The following CTNND2 variants were observed in gnomAD, a reference collection of about 807,000 sequenced individuals.
CTNND2 encodes the protein catenin delta-2.
Under a neutral mutation model 144.4 loss-of-function variants are expected in CTNND2, and 22 were observed. The ratio of observed to expected loss-of-function variants is 0.15; its 90% CI spans 0.11 to 0.22. CTNND2 has a LOEUF of 0.22. Among genes scored for constraint, CTNND2 ranks in the 10% least tolerant of loss-of-function variants. CTNND2 has a pLI of 1.00. For synonymous variants in CTNND2, 751 were observed against 695.6 expected (o/e 1.08, Z -1.25); for missense variants, 1,353 against 1,618.8 (o/e 0.84, Z 2.82).
chr5:11,610,558 A>G (rs774862103), intron 2 of CTNND2, among the ~76,000 whole-genome samples: 12 of 152,108 alleles, frequency 7.9e-5, no homozygotes, highest in Non-Finnish European at 1.5e-4. Flanking sequence ...CAGGGAACCC[A>G]CCGTCCAATA....
rs1310810169 is a variant in CTNND2 at position 11,384,517 on chromosome 5, A to G, written c.1177+148T>C. ...TGTAGGGAAGATACTGACTTGTTCC[A>G]GGAAAGCCCTGGCGTTCTCTGTCTC... On this transcript the variant is annotated intron_variant, in intron 7 of 21. Transcript: ENST00000304623. The surrounding 1 kb of genome is among the most constrained non-coding windows in gnomAD (Gnocchi z 5.2). 3.0e-6 allele frequency: 2 copies of G among 674,778 alleles called. No homozygotes were observed. Among genetic ancestry groups the G allele is most frequent in the Non-Finnish European group, 2.5e-6 (1 of 406,160 alleles). The allele number at this position is 674,778 out of a possible 1,614,324, so 41.8% of individuals were successfully genotyped here.
chr5:11,364,782 T>C lies in CTNND2; in HGVS notation c.1286A>G (p.Tyr429Cys), dbSNP rs1756804491. Residue 429 changes from tyrosine (Y) to cysteine (C), a missense_variant, in exon 8 of 22, where the codon TAT becomes TGT. This residue lies in a region of CTNND2 where 708 missense variants were observed against 706.4 expected (regional missense o/e 1.00). Transcript: ENST00000304623. ...HIDPIYEDRV[Y>C]QKPPMRSLSQ... ...GAGACTCCTCATAGGGGGCTTCTGA[T>C]AGACGCGGTCTTCATAGATGGGATC... 1 of 1,613,928 alleles carries C rather than the reference T, an allele frequency of 6.2e-7. No homozygotes were observed. Among genetic ancestry groups the C allele is most frequent in the East Asian group, 2.2e-5 (1 of 44,840 alleles).
intron 3 of CTNND2, among the ~76,000 whole-genome samples, chr5:11,496,664 T>C (rs1769975623): frequency 6.6e-6 from 1 of 152,176 alleles, no homozygotes; most frequent in South Asian, 2.1e-4. Context: ...GTAAAAGGAA[T>C]TTGCCACAAA....
At chr5:11,100,275 C>T (rs1168870750) in intron 14 of CTNND2, among the ~76,000 whole-genome samples, 1 of 152,178 alleles carries the variant, frequency 6.6e-6, no homozygotes, top group Non-Finnish European at 1.5e-5. Flanking sequence ...CATTAAAGGT[C>T]ATTTTCAATG....
intron 12 of CTNND2, among the ~76,000 whole-genome samples, chr5:11,138,889 A>G (rs1405660204): frequency 6.6e-6 from 1 of 152,226 alleles, no homozygotes; most frequent in African/African-American, 2.4e-5. Flanking sequence ...CTGCATGTCC[A>G]TGCAGAACTA....
chr5:11,111,001 G>T lies in CTNND2; in HGVS notation c.2320C>A (p.Arg774=), dbSNP rs1280207424. The T allele has an allele frequency of 1.2e-6, 2 of 1,614,050 alleles. No individual in the cohort carries two copies. Among genetic ancestry groups the T allele is most frequent in the Non-Finnish European group, 1.7e-6 (2 of 1,179,964 alleles). ...CCCTGAGACGTTTCTGCCGCCAGCC[G>T]GTACGAGAGGTTCCTTAAAATGCAC... ...CVCILRNLSY[R]LAAETSQGQH... Residue 774 remains arginine, a synonymous_variant, in exon 14 of 22, where the codon CGG becomes AGG. Coordinates refer to ENST00000304623, the MANE Select transcript of CTNND2 (RefSeq NM_001332.4).
chr5:11,247,953 A>G (rs1318197484), intron 9 of CTNND2, among the ~76,000 whole-genome samples: 2 of 152,222 alleles, frequency 1.3e-5, no homozygotes, highest in Non-Finnish European at 2.9e-5. Flanking sequence ...AACATGTAAG[A>G]ATTTAGTTGC....
At chr5:11,867,579 C>T (rs1161774597) in intron 1 of CTNND2, among the ~76,000 whole-genome samples, 1 of 152,062 alleles carries the variant, frequency 6.6e-6, no homozygotes, top group Non-Finnish European at 1.5e-5. Flanking sequence ...TGTATTAGAC[C>T]AGAAAGTAAC....
At chr5:11,813,095 G>A (rs577939072) in intron 1 of CTNND2, among the ~76,000 whole-genome samples, 139 of 152,204 alleles carry the variant, frequency 9.1e-4, no homozygotes, top group Non-Finnish European at 1.4e-3. Flanking sequence ...AAGTAGTCCC[G>A]TAAGATTAGA....
intron 1 of CTNND2, among the ~76,000 whole-genome samples, chr5:11,863,548 G>A (rs79959167): frequency 1.8e-3 from 274 of 152,166 alleles, no homozygotes; most frequent in African/African-American, 6.3e-3. Flanking sequence ...TGTGTTACAT[G>A]GGCAAACCAG....
At chr5:11,352,236 T>C (rs4702800) in intron 8 of CTNND2, among the ~76,000 whole-genome samples, 40,771 of 152,092 alleles carry the variant, frequency 0.27, 5,837 homozygotes, top group Admixed American at 0.35. Flanking sequence ...AAAGAAGACA[T>C]TGAAAACACC....
At chr5:11,402,534 G>A (rs551436793) in intron 5 of CTNND2, among the ~76,000 whole-genome samples, 9 of 152,314 alleles carry the variant, frequency 5.9e-5, no homozygotes, top group African/African-American at 2.2e-4. Context: ...ATGGGTTCCA[G>A]AAGAACTTGC....
At chr5:10,986,558 A>C (rs1385902562) in intron 20 of CTNND2, 1 of 451,908 alleles carries the variant, frequency 2.2e-6, no homozygotes, top group Non-Finnish European at 4.4e-6. Context: ...AGGGACTCAG[A>C]ATTCAGATTC....
chr5:11,061,243 T>G (rs1225351623), intron 16 of CTNND2, among the ~76,000 whole-genome samples: 4 of 152,208 alleles, frequency 2.6e-5, no homozygotes, highest in Non-Finnish European at 4.4e-5. Flanking sequence ...CTGGACAGCA[T>G]GAGCTCTTTC....
chr5:11,393,646 A>G (rs902203442), intron 6 of CTNND2, among the ~76,000 whole-genome samples: 15 of 152,200 alleles, frequency 9.9e-5, no homozygotes, highest in Admixed American at 6.5e-4. Flanking sequence ...ATTATAAAAC[A>G]TCAGTCTGGT....
At chr5:11,681,380 AAAG>A (rs1302357192) in intron 2 of CTNND2, among the ~76,000 whole-genome samples, 3 of 152,166 alleles carry the variant, frequency 2.0e-5, no homozygotes, top group African/African-American at 7.2e-5. Flanking sequence ...AAAGCATTCA[AAAG>A]AACATGAAGT....
chr5:11,230,402 G>A (rs1287645448), intron 10 of CTNND2, among the ~76,000 whole-genome samples: 2 of 151,916 alleles, frequency 1.3e-5, no homozygotes, highest in African/African-American at 2.4e-5. Flanking sequence ...GCAACATTTA[G>A]TCACCTCCTA....
intron 2 of CTNND2, among the ~76,000 whole-genome samples, chr5:11,667,783 T>A (rs760057779): frequency 2.0e-5 from 3 of 152,126 alleles, no homozygotes; most frequent in Non-Finnish European, 4.4e-5. Context: ...GATCCCATTT[T>A]TCTATTTTGG....
At chr5:11,422,518 T>C (rs1762452496) in intron 3 of CTNND2, among the ~76,000 whole-genome samples, 1 of 152,186 alleles carries the variant, frequency 6.6e-6, no homozygotes. Flanking sequence ...CAACTGACAC[T>C]GCAATGTGGT....
Sources: gnomAD v4.1 joint callset for allele counts (sites outside exome capture counted in the v4.1 genomes callset) on GRCh38, gnomAD v4.1.1 for gene constraint, gnomAD v4.1.1 regional missense constraint, Gnocchi (gnomAD v3.1) non-coding constraint, MANE v1.5 for transcripts, NCBI Gene and HGNC (gene_info 2026-07-23, HGNC 2026-07-21) for gene names.